The following ERBB4 variants were observed in gnomAD, a reference collection of about 807,000 sequenced individuals.
ERBB4 encodes erb-b2 receptor tyrosine kinase 4, also known as receptor tyrosine-protein kinase erbB-4.
In ERBB4, 42 loss-of-function variants were observed where a neutral mutation model predicts 158.0. That is an observed-to-expected ratio of 0.27 (90% confidence interval 0.21 to 0.34). The LOEUF is 0.34. ERBB4 is among the 10% of genes least tolerant of loss of function. The pLI is 1.00. For synonymous variants in ERBB4, 583 were observed against 558.7 expected (o/e 1.04, Z -0.61); for missense variants, 1,333 against 1,624.1 (o/e 0.82, Z 3.08).
At chr2:212,492,922 T>C (rs138166968) in intron 1 of ERBB4, among the ~76,000 whole-genome samples, 104 of 151,680 alleles carry the variant, frequency 6.9e-4, no homozygotes, top group African/African-American at 1.7e-3. Flanking sequence ...AGTAGTCATT[T>C]ATTAAATATT....
At chr2:212,400,268 G>C (rs2106460855) in intron 1 of ERBB4, among the ~76,000 whole-genome samples, 1 of 152,234 alleles carries the variant, frequency 6.6e-6, no homozygotes, top group Admixed American at 6.5e-5. Flanking sequence ...ATTTGGAAGG[G>C]AACAGGCCAA....
In ERBB4 at chr2:211,822,418, C is replaced by T. The variant is rs148013697; in HGVS notation, c.422-34259G>A. Among the ~76,000 whole-genome samples the T allele has an allele frequency of 2.2e-3, 330 of 152,068 alleles. 2 individuals are homozygous for T. The highest frequency in any genetic ancestry group is 7.4e-3 in the African/African-American group (309 of 41,516). ...ACCCCATAAAAATGTATAGATATAA[C>T]GTGTCAATTTAACTTTTTTAACTGA... is the stretch of plus-strand genomic sequence containing the variant. On this transcript the variant is annotated intron_variant, in intron 3 of 27. Coordinates refer to ENST00000342788, the MANE Select transcript of ERBB4 (RefSeq NM_005235.3).
intron 1 of ERBB4, among the ~76,000 whole-genome samples, chr2:212,520,819 C>G (rs1403928427): frequency 6.6e-6 from 1 of 151,948 alleles, no homozygotes; most frequent in Non-Finnish European, 1.5e-5. Flanking sequence ...TTACTAATAT[C>G]TTTTTTAAGC....
intron 25 of ERBB4, among the ~76,000 whole-genome samples, chr2:211,390,691 C>A (rs1362477680): frequency 6.6e-6 from 1 of 152,176 alleles, no homozygotes; most frequent in African/African-American, 2.4e-5. Flanking sequence ...TAAAGCGAGG[C>A]CATGCCCTAT....
chr2:211,619,873 A>G (rs112507208), intron 18 of ERBB4, among the ~76,000 whole-genome samples: 3 of 152,156 alleles, frequency 2.0e-5, no homozygotes, highest in Admixed American at 1.3e-4. Flanking sequence ...ATTTGTCTAC[A>G]TTATTAAAGC....
chr2:211,817,424 G>C (rs1028733655), intron 3 of ERBB4, among the ~76,000 whole-genome samples: 1 of 151,966 alleles, frequency 6.6e-6, no homozygotes, highest in Non-Finnish European at 1.5e-5. Context: ...GCAAAAATCT[G>C]GTTATTACTC....
intron 17 of ERBB4, among the ~76,000 whole-genome samples, chr2:211,626,119 T>C (rs751288275): frequency 6.6e-6 from 1 of 152,142 alleles, no homozygotes; most frequent in Non-Finnish European, 1.5e-5. Flanking sequence ...ATAATTACCT[T>C]AGAAACTTGA....
intron 3 of ERBB4, among the ~76,000 whole-genome samples, chr2:211,933,138 C>T (rs1313051269): frequency 6.6e-6 from 1 of 151,986 alleles, no homozygotes; most frequent in Admixed American, 6.6e-5. Flanking sequence ...CTTGATTCAC[C>T]TCTTTTCCCT....
At chr2:211,977,479 T>A (rs1183168013) in intron 2 of ERBB4, among the ~76,000 whole-genome samples, 1 of 142,820 alleles carries the variant, frequency 7.0e-6, no homozygotes, top group Non-Finnish European at 1.5e-5. Context: ...AGTGCCTTTT[T>A]TCCCTCTTGG....
chr2:211,437,684 C>T (rs2063884563), intron 20 of ERBB4, among the ~76,000 whole-genome samples: 1 of 152,110 alleles, frequency 6.6e-6, no homozygotes, highest in Admixed American at 6.6e-5. Flanking sequence ...CTAAAAATTT[C>T]AAGCTGCAGT....
At chr2:212,445,233 A>G (rs1461794074) in intron 1 of ERBB4, among the ~76,000 whole-genome samples, 1 of 152,094 alleles carries the variant, frequency 6.6e-6, no homozygotes, top group East Asian at 1.9e-4. Context: ...GCCGTGTATG[A>G]TCTGAATCAG....
chr2:211,990,212 A>G (rs1471832845), intron 2 of ERBB4, among the ~76,000 whole-genome samples: 20 of 152,008 alleles, frequency 1.3e-4, no homozygotes, highest in Non-Finnish European at 2.9e-4. Flanking sequence ...ATTTTTGTGT[A>G]GGTGACGAAT....
chr2:211,681,246 C>T (rs933090079), intron 12 of ERBB4, among the ~76,000 whole-genome samples: 1 of 151,970 alleles, frequency 6.6e-6, no homozygotes, highest in African/African-American at 2.4e-5. Context: ...AATTTATAAT[C>T]CATTCACCTA....
In ERBB4 at chr2:211,748,537, T is replaced by C. The variant is rs77466243; in HGVS notation, c.622+2102A>G. The stretch of plus-strand genomic sequence containing the variant: ...CAGAAGAGGGATCCACCCCAGTGTT[T>C]CCCAAATCTAAGCTCCTTCCTCCCT... On this transcript the variant is annotated intron_variant, in intron 5 of 27. Coordinates refer to ENST00000342788, the MANE Select transcript of ERBB4 (RefSeq NM_005235.3). Among the ~76,000 whole-genome samples, 1,157 of 152,228 alleles carry C rather than the reference T, an allele frequency of 7.6e-3. 9 individuals carry two copies. Among genetic ancestry groups the C allele is most frequent in the Non-Finnish European group, 0.013 (872 of 68,010 alleles).
At chr2:212,019,690 G>GA (rs1407861217) in intron 2 of ERBB4, among the ~76,000 whole-genome samples, 2 of 147,288 alleles carry the variant, frequency 1.4e-5, no homozygotes, top group Non-Finnish European at 3.0e-5. Context: ...TTGAACCCAG[G>GA]AGGTGGAGGT....
intron 15 of ERBB4, among the ~76,000 whole-genome samples, chr2:211,658,850 C>T (rs1294683170): frequency 2.0e-5 from 3 of 152,044 alleles, no homozygotes; most frequent in Non-Finnish European, 4.4e-5. Flanking sequence ...TCATTTTGAA[C>T]CAATATAGAA....
intron 3 of ERBB4, among the ~76,000 whole-genome samples, chr2:211,854,404 A>G (rs1220157535): frequency 1.3e-5 from 2 of 152,148 alleles, no homozygotes; most frequent in Admixed American, 6.6e-5. Flanking sequence ...TAAAAAGGGC[A>G]AAACACTCGT....
At chr2:212,535,882 T>A (rs930813817) in intron 1 of ERBB4, among the ~76,000 whole-genome samples, 2 of 152,262 alleles carry the variant, frequency 1.3e-5, no homozygotes, top group Non-Finnish European at 2.9e-5. Context: ...TATATTTTTA[T>A]TCTGTTCACA....
chr2:211,806,842 G>A (rs1410060198), intron 3 of ERBB4, among the ~76,000 whole-genome samples: 20 of 151,326 alleles, frequency 1.3e-4, no homozygotes, highest in Non-Finnish European at 1.5e-5. Context: ...TTGCATGAAT[G>A]TAAAAATCAC....
Sources: allele counts gnomAD v4.1 joint callset (sites outside exome capture counted in the v4.1 genomes callset), GRCh38; gene constraint gnomAD v4.1.1; transcripts MANE v1.5; gene names NCBI Gene and HGNC (gene_info 2026-07-23, HGNC 2026-07-21).